Variants in ATG10 observed in about 807,000 individuals in gnomAD.
ATG10 encodes ubiquitin-like-conjugating enzyme ATG10.
A neutral mutation model predicts 32.1 loss-of-function variants in ATG10; 30 were observed. That is an observed-to-expected ratio of 0.94 (90% CI 0.70 to 1.27). ATG10 has a LOEUF of 1.27. ATG10 is among the 50% of genes most tolerant of loss of function. The pLI, the probability that ATG10 is intolerant of heterozygous loss-of-function variation, is 0.00. For synonymous variants in ATG10, 87 were observed against 91.5 expected (o/e 0.95, Z 0.28); for missense variants, 233 against 262.3 (o/e 0.89, Z 0.77).
chr5:81,979,041 A>G (rs926504621), intron 1 of ATG10, among the ~76,000 whole-genome samples: 2 of 152,192 alleles, frequency 1.3e-5, no homozygotes, highest in Admixed American at 1.3e-4. Context: ...CTGGGACTAC[A>G]GGTGCACATC....
rs965805193 is a variant in ATG10 at position 81,985,676 on chromosome 5, C to G, written c.-12-1883C>G. ...AATCTTTTCAGTTGTATTGTCCATA[C>G]CTAGTTCAACAGCAGTTTATTTTTC... On this transcript the variant is annotated intron_variant, in intron 1 of 7. Transcript: ENST00000282185. Among the ~76,000 whole-genome samples the G allele has an allele frequency of 2.6e-5, 4 of 152,310 alleles. No homozygotes were observed. In the East Asian group the frequency reaches 7.7e-4, roughly 29 times the overall value.
chr5:82,084,340 C>G (rs1340002642), intron 3 of ATG10, among the ~76,000 whole-genome samples: 1 of 152,100 alleles, frequency 6.6e-6, no homozygotes, highest in Non-Finnish European at 1.5e-5. Flanking sequence ...TGTGAAAATA[C>G]CAAATCTACG....
chr5:82,123,481 A>G (rs562504409), intron 3 of ATG10, among the ~76,000 whole-genome samples: 31 of 152,148 alleles, frequency 2.0e-4, no homozygotes, highest in African/African-American at 7.0e-4. Context: ...GAGTTTATCT[A>G]TATAACAAAA....
chr5:82,089,454 C>G (rs1057014841), intron 3 of ATG10, among the ~76,000 whole-genome samples: 2 of 152,064 alleles, frequency 1.3e-5, no homozygotes, highest in African/African-American at 2.4e-5. Flanking sequence ...TGATTTTTAA[C>G]AAAAGTGCAA....
intron 3 of ATG10, among the ~76,000 whole-genome samples, chr5:82,139,114 G>A (rs1766917949): frequency 6.8e-6 from 1 of 146,276 alleles, no homozygotes; most frequent in East Asian, 2.1e-4. Flanking sequence ...GAGGTGCCGG[G>A]ATTGCAGACG....
chr5:82,162,865 AT>A (rs1743417337), intron 3 of ATG10, among the ~76,000 whole-genome samples: 1 of 151,814 alleles, frequency 6.6e-6, no homozygotes, highest in South Asian at 2.1e-4. Flanking sequence ...GTGTGTGTCT[AT>A]GTGTGTATAT....
intron 3 of ATG10, among the ~76,000 whole-genome samples, chr5:82,151,881 T>A (rs770552983): frequency 3.3e-5 from 5 of 152,122 alleles, no homozygotes; most frequent in Non-Finnish European, 7.3e-5. Flanking sequence ...AAATATGAGA[T>A]CATGATTTAC....
intron 5 of ATG10, among the ~76,000 whole-genome samples, chr5:82,241,510 G>A (rs1012153747): frequency 7.9e-5 from 12 of 152,066 alleles, no homozygotes; most frequent in African/African-American, 2.7e-4. Context: ...TAGCTCTCTG[G>A]TCTTACTTCC....
intron 3 of ATG10, among the ~76,000 whole-genome samples, chr5:82,139,674 G>C (rs1247085354): frequency 8.3e-5 from 12 of 144,702 alleles, no homozygotes; most frequent in Non-Finnish European, 1.1e-4. Flanking sequence ...AGTGAGGAGC[G>C]TCTCCGCCCG....
intron 2 of ATG10, among the ~76,000 whole-genome samples, chr5:82,012,267 A>G (rs1762146219): frequency 6.6e-6 from 1 of 152,160 alleles, no homozygotes; most frequent in South Asian, 2.1e-4. Context: ...AGTTCCCTGA[A>G]ATGGTTGTTT....
At chr5:81,988,848 T>C (rs1024054282) in intron 2 of ATG10, among the ~76,000 whole-genome samples, 2 of 152,328 alleles carry the variant, frequency 1.3e-5, no homozygotes, top group Admixed American at 1.3e-4. Flanking sequence ...TTGTTTTGTT[T>C]TGAGACAGTC....
intron 5 of ATG10, among the ~76,000 whole-genome samples, chr5:82,212,475 G>A (rs1388667692): frequency 1.3e-5 from 2 of 152,098 alleles, no homozygotes; most frequent in Admixed American, 1.3e-4. Flanking sequence ...TTTGAACCAG[G>A]CAGTTCACAG....
intron 3 of ATG10, among the ~76,000 whole-genome samples, chr5:82,157,263 A>G (rs1767837603): frequency 6.6e-6 from 1 of 152,168 alleles, no homozygotes; most frequent in African/African-American, 2.4e-5. Flanking sequence ...AATCAGTAGT[A>G]GTAGTGATAA....
intron 5 of ATG10, among the ~76,000 whole-genome samples, chr5:82,198,371 C>T (rs1465640577): frequency 1.3e-5 from 2 of 152,114 alleles, no homozygotes; most frequent in Non-Finnish European, 2.9e-5. Flanking sequence ...TCTTGTGCCT[C>T]CACCACCCAA....
chr5:82,251,571 A>G (rs1469720125), intron 5 of ATG10, among the ~76,000 whole-genome samples: 4 of 152,074 alleles, frequency 2.6e-5, no homozygotes, highest in Non-Finnish European at 2.9e-5. Context: ...GGATGGGTGC[A>G]CTCGGCAGTT....
intron 2 of ATG10, among the ~76,000 whole-genome samples, chr5:82,037,838 A>T (rs1762980191): frequency 1.3e-5 from 2 of 152,146 alleles, no homozygotes; most frequent in African/African-American, 4.8e-5. Context: ...TCTAATGTTG[A>T]ACCATCCTTG....
intron 4 of ATG10, among the ~76,000 whole-genome samples, chr5:82,173,741 G>A (rs1255327708): frequency 1.3e-5 from 2 of 152,256 alleles, no homozygotes; most frequent in Non-Finnish European, 2.9e-5. Context: ...GATCTGAAAC[G>A]AAGGAGTTGT....
intron 1 of ATG10, among the ~76,000 whole-genome samples, chr5:81,984,917 CT>C (rs1366120368): frequency 5.9e-5 from 9 of 152,128 alleles, no homozygotes; most frequent in African/African-American, 2.2e-4. Context: ...ATATACCATA[CT>C]TCCTAATTTT....
intron 5 of ATG10, among the ~76,000 whole-genome samples, chr5:82,188,085 G>A (rs1342478865): frequency 6.6e-6 from 1 of 152,104 alleles, no homozygotes; most frequent in East Asian, 1.9e-4. Context: ...TTTATTATTG[G>A]ATTCCTATTG....
Sources: allele counts gnomAD v4.1 joint callset (sites outside exome capture counted in the v4.1 genomes callset), GRCh38; gene constraint gnomAD v4.1.1; transcripts MANE v1.5; gene names NCBI Gene and HGNC (gene_info 2026-07-23, HGNC 2026-07-21).